The following PDXDC1 variants were observed in gnomAD, a reference collection of about 807,000 sequenced individuals.
PDXDC1 encodes the protein pyridoxal-dependent decarboxylase domain-containing protein 1.
A neutral mutation model predicts 100.1 loss-of-function variants in PDXDC1; 42 were observed. The ratio of observed to expected loss-of-function variants is 0.42; its 90% confidence interval spans 0.33 to 0.54. The LOEUF is 0.54. Ranked by LOEUF, PDXDC1 falls within the 20% of genes least tolerant of loss-of-function variation. PDXDC1 has a pLI of 0.10. For missense variants in PDXDC1, 636 were observed against 979.2 expected (o/e 0.65, Z 4.68); for synonymous variants, 260 against 371.7 (o/e 0.70, Z 3.46).
chr16:15,004,807 T>C (rs556009993), intron 5 of PDXDC1, among the ~76,000 whole-genome samples: 35 of 152,382 alleles, frequency 2.3e-4, no homozygotes, highest in Admixed American at 1.8e-3. Context: ...CTGAGGCACA[T>C]CTTCCCATAT....
chr16:15,135,864 C>A, intron 16 of PDXDC1: 2 of 1,547,934 alleles, frequency 1.3e-6, no homozygotes, highest in East Asian at 2.2e-5. Context: ...CCAAATGACA[C>A]GACAAACACA....
intron 16 of PDXDC1, chr16:15,127,875 G>A (rs1262924278): frequency 6.4e-7 from 1 of 1,559,550 alleles, no homozygotes; most frequent in Non-Finnish European, 8.7e-7. Context: ...GCAGGCGCCG[G>A]AAGCGCAACA....
chr16:15,104,465 A>C lies in PDXDC1; in HGVS notation c.1400-34414A>C. The stretch of plus-strand genomic sequence containing the variant: ...AGCTGAGGGTGGAAGGGGAGTGAGC[A>C]GACACACTCGGGAGGTGTCTTGAGA... On this transcript the variant is annotated intron_variant, in intron 16 of 16. Coordinates refer to the PDXDC1 transcript ENST00000535621. 4.4e-6 allele frequency: 3 copies of C among 680,708 alleles called. 1 individual carries two copies. The allele number at this position is 680,708 out of a possible 1,614,324, so 42.2% of individuals were successfully genotyped here.
intron 16 of PDXDC1, chr16:15,135,342 C>G (rs2048298670): frequency 6.5e-7 from 1 of 1,540,040 alleles, no homozygotes; most frequent in African/African-American, 1.4e-5. Flanking sequence ...AAGGTGTACT[C>G]CACGCCAGCC....
chr16:15,093,241 T>C (rs1234560940), intron 16 of PDXDC1, among the ~76,000 whole-genome samples: 3 of 152,220 alleles, frequency 2.0e-5, no homozygotes, highest in Non-Finnish European at 4.4e-5. Flanking sequence ...TGACTTCAGA[T>C]GATCCGCCCG....
the PDXDC1 span, among the ~76,000 whole-genome samples, chr16:15,147,518 C>T: frequency 1.3e-5 from 2 of 152,122 alleles, no homozygotes; most frequent in Non-Finnish European, 2.9e-5. Flanking sequence ...GGAGAGGGTG[C>T]GGACTCTTCC....
chr16:15,011,397 A>G (rs1427066454), intron 8 of PDXDC1, among the ~76,000 whole-genome samples: 1 of 152,300 alleles, frequency 6.6e-6, no homozygotes, highest in African/African-American at 2.4e-5. Flanking sequence ...CTGTATATAT[A>G]AATATTAACT....
intron 16 of PDXDC1, among the ~76,000 whole-genome samples, chr16:15,111,034 C>T (rs557845305): frequency 1.3e-5 from 2 of 148,884 alleles, no homozygotes; most frequent in African/African-American, 4.9e-5. Context: ...GAGGCTGAGG[C>T]AGAGAACCGT....
the PDXDC1 span, among the ~76,000 whole-genome samples, chr16:15,148,578 C>G: frequency 1.3e-5 from 2 of 150,942 alleles, no homozygotes; most frequent in Non-Finnish European, 2.9e-5. Flanking sequence ...AGACCGGGGT[C>G]TCACCCTGTT....
At chr16:15,094,984 C>T (rs1442727840) in intron 16 of PDXDC1, among the ~76,000 whole-genome samples, 1 of 152,010 alleles carries the variant, frequency 6.6e-6, no homozygotes, top group Non-Finnish European at 1.5e-5. Flanking sequence ...ATTACAGGCG[C>T]ATGCCACCAC....
intron 16 of PDXDC1, chr16:15,094,574 C>T: frequency 2.5e-6 from 1 of 394,044 alleles, no homozygotes; most frequent in South Asian, 3.1e-5. Context: ...GGAGTCAAAG[C>T]CTCCCTCAGT....
chr16:15,131,256 G>C (rs577374979), intron 16 of PDXDC1: 1 of 1,591,256 alleles, frequency 6.3e-7, no homozygotes, highest in South Asian at 1.1e-5. Context: ...TCACGGTGAT[G>C]GCGCGCTCTG....
At chr16:15,135,885 G>A in intron 16 of PDXDC1, 14 of 1,570,936 alleles carry the variant, frequency 8.9e-6, no homozygotes, top group African/African-American at 2.7e-5. Flanking sequence ...AAGCAGTAGT[G>A]CCCCACAGGC....
chr16:15,135,265 G>A, intron 16 of PDXDC1: 1 of 1,108,208 alleles, frequency 9.0e-7, no homozygotes, highest in South Asian at 1.3e-5. Flanking sequence ...TGGCCGAGGG[G>A]CGGGCGGCAC....
intron 1 of PDXDC1, among the ~76,000 whole-genome samples, chr16:14,982,554 CA>C (rs1389486028): frequency 2.0e-5 from 3 of 149,680 alleles, no homozygotes; most frequent in African/African-American, 7.3e-5. Flanking sequence ...GACTCCATCT[CA>C]AAAAAAAAAG....
intron 16 of PDXDC1, chr16:15,130,840 C>T (rs988023493): frequency 1.5e-4 from 111 of 760,226 alleles, no homozygotes; most frequent in Non-Finnish European, 2.0e-4. Flanking sequence ...CTCAACCACC[C>T]GGGGGACACC....
At chr16:15,124,483 A>G (rs1350673046) in intron 16 of PDXDC1, among the ~76,000 whole-genome samples, 3 of 151,066 alleles carry the variant, frequency 2.0e-5, no homozygotes, top group Admixed American at 6.6e-5. Flanking sequence ...CAAAACAAAA[A>G]CAAAACAGGG....
chr16:15,055,608 G>C (rs1204919506), intron 16 of PDXDC1: 2 of 305,162 alleles, frequency 6.6e-6, no homozygotes, highest in Non-Finnish European at 1.2e-5. Flanking sequence ...GGGTCCCGGC[G>C]TGTCCCCGAG....
intron 16 of PDXDC1, among the ~76,000 whole-genome samples, chr16:15,053,583 T>A (rs556705652): frequency 1.2e-3 from 186 of 152,328 alleles, no homozygotes; most frequent in African/African-American, 4.3e-3. Context: ...TATATTTTGC[T>A]TTCCTACAAA....
Sources: gnomAD v4.1 joint callset for allele counts (sites outside exome capture counted in the v4.1 genomes callset) on GRCh38, gnomAD v4.1.1 for gene constraint, MANE v1.5 for transcripts, NCBI Gene and HGNC (gene_info 2026-07-23, HGNC 2026-07-21) for gene names.